The following ARHGAP30 variants were observed in gnomAD, a reference collection of about 807,000 sequenced individuals.
ARHGAP30 encodes the protein Rho GTPase activating protein 30.
In ARHGAP30, 23 loss-of-function variants were observed where a neutral mutation model predicts 72.0. The observed-to-expected ratio is 0.32, with a 90% CI of 0.23 to 0.45. The LOEUF (loss-of-function observed/expected upper bound fraction) is 0.45, where lower values mean the gene tolerates loss of function less well. Among genes scored for constraint, ARHGAP30 ranks in the 20% least tolerant of loss-of-function variants. ARHGAP30 has a pLI of 1.00. For missense variants in ARHGAP30, 1,319 were observed against 1,383.4 expected (o/e 0.95, Z 0.74); for synonymous variants, 576 against 528.2 (o/e 1.09, Z -1.24).
intron 3 of ARHGAP30, 141 bp downstream of exon 3, chr1:161,056,247 T>G (rs1571096772): frequency 3.4e-6 from 4 of 1,167,354 alleles, no homozygotes; most frequent in South Asian, 1.7e-5. Flanking sequence ...GGAGGAGGGG[T>G]CTTTTCCCCG....
chr1:161,052,417 TC>T (rs1557921667), intron 8 of ARHGAP30, 22 bp downstream of exon 8: 3 of 1,612,794 alleles, frequency 1.9e-6, no homozygotes, highest in Non-Finnish European at 2.5e-6. Flanking sequence ...TCAGCAGAGC[TC>T]CCCCCATCTC....
chr1:161,069,196 C>T lies in ARHGAP30; in HGVS notation c.97+332G>A, dbSNP rs924249147. The stretch of plus-strand genomic sequence containing the variant: ...CTCCTGACCCTGTCGCCTCACCCTC[C>T]CTCTCCTGTTCCCAGTCACCTGCCC... On this transcript the variant is annotated intron_variant, in intron 1 of 11. Transcript: ENST00000368013. This position sits in a 1 kb window ranked among gnomAD's most constrained non-coding sequence, Gnocchi z 4.9. Among the ~76,000 whole-genome samples the T allele has an allele frequency of 6.6e-6, 1 of 152,128 alleles. No homozygotes were observed. Among genetic ancestry groups the T allele is most frequent in the Non-Finnish European group, 1.5e-5 (1 of 68,010 alleles).
At chr1:161,058,852 C>A (rs1652100264) in intron 2 of ARHGAP30, among the ~76,000 whole-genome samples, 4 of 111,848 alleles carry the variant, frequency 3.6e-5, no homozygotes, top group Admixed American at 9.8e-5. Context: ...CAGAGTGAGA[C>A]TCTATCTCAA....
intron 2 of ARHGAP30, among the ~76,000 whole-genome samples, chr1:161,058,442 C>T (rs1188835956): frequency 2.0e-5 from 3 of 151,780 alleles, no homozygotes; most frequent in African/African-American, 7.3e-5. Context: ...GCCTGGCTAA[C>T]ATAGTGAAAC....
intron 5 of ARHGAP30, among the ~76,000 whole-genome samples, chr1:161,053,648 G>T (rs1294116108): frequency 1.3e-5 from 2 of 152,130 alleles, no homozygotes. Context: ...GCACACCAGG[G>T]TGTCTAGTTT....
chr1:161,061,930 A>G (rs1652339974), intron 1 of ARHGAP30, among the ~76,000 whole-genome samples: 1 of 152,140 alleles, frequency 6.6e-6, no homozygotes, highest in Non-Finnish European at 1.5e-5. Context: ...TCTACTAAAA[A>G]TACAAAAATT....
chr1:161,047,986 G>C lies in ARHGAP30; in HGVS notation c.3035C>G (p.Ala1012Gly). The change falls in exon 12 of 12, where the codon GCT becomes GGT. Residue 1012 changes from alanine to glycine, a missense_variant. Physicochemically the swap from Ala to Gly is moderately conservative, Grantham distance 60 (BLOSUM62 0). Transcript: ENST00000368013. ...GGTCTGGGTTCGCCGAACTCCTTGA[G>C]CCTCAGTCCTTTGGCGGTCCCGGGC... ...ALARDRQRTE[A>G]QGVRRTQTCT... The C allele has an allele frequency of 1.2e-6, 2 of 1,614,142 alleles. No homozygotes were observed. The highest frequency in any genetic ancestry group is 1.7e-6 in the Non-Finnish European group (2 of 1,180,002).
chr1:161,060,547 G>A (rs541020340), intron 1 of ARHGAP30, among the ~76,000 whole-genome samples: 2 of 139,930 alleles, frequency 1.4e-5, no homozygotes, highest in Non-Finnish European at 3.0e-5. Context: ...AGTGAGCTGA[G>A]ATCACGCCAC....
At chr1:161,064,829 A>AAGAAAGAG (rs1652620164) in intron 1 of ARHGAP30, among the ~76,000 whole-genome samples, 1 of 45,440 alleles carries the variant, frequency 2.2e-5, no homozygotes, top group Non-Finnish European at 3.9e-5. Context: ...GAAAGAAAGA[A>AAGAAAGAG]AGAGAAAGAA....
intron 4 of ARHGAP30, 49 bp downstream of exon 4, chr1:161,054,574 A>G: frequency 6.2e-7 from 1 of 1,607,068 alleles, no homozygotes; most frequent in Non-Finnish European, 8.5e-7. Flanking sequence ...CCAGGCAGCG[A>G]GTGAATGAGT....
At chr1:161,051,213 C>A in intron 10 of ARHGAP30, 101 bp downstream of exon 10, 1 of 1,488,814 alleles carries the variant, frequency 6.7e-7, no homozygotes, top group Non-Finnish European at 8.9e-7. Context: ...AGCCCAAGGG[C>A]TGAGGCCTCT....
chr1:161,049,012 T>C lies in ARHGAP30; in HGVS notation c.2009A>G (p.Asp670Gly), dbSNP rs1335844534. The C allele has an allele frequency of 6.2e-7, 1 of 1,613,928 alleles. No homozygotes were observed. The highest frequency in any genetic ancestry group is 1.7e-5 in the Admixed American group (1 of 60,008). The change falls in exon 12 of 12, where the codon GAC becomes GGC. Residue 670 changes from aspartate to glycine, a missense_variant. This residue lies in a region of ARHGAP30 where 1,097 missense variants were observed against 1,045.2 expected (regional missense o/e 1.05). Coordinates refer to ENST00000368013, the MANE Select transcript of ARHGAP30 (RefSeq NM_001025598.2). ...DKQAEPGGRL[D>G]IREEAEGSPE... is the part of the protein sequence containing the mutation. ...ACTTCCCTCTGCCTCTTCCCTGATG[T>C]CTAGCCTGCCTCCAGGCTCAGCCTG...
intron 1 of ARHGAP30, chr1:161,060,235 C>A (rs1327465984): frequency 2.2e-6 from 1 of 451,640 alleles, no homozygotes; most frequent in African/African-American, 2.0e-5. Context: ...AAGCCGCACT[C>A]TGGCCTGCTG....
rs1571103945 is a variant in ARHGAP30 at position 161,058,653 on chromosome 1, A to T, written c.200+961T>A. 3.4e-5 allele frequency among the ~76,000 whole-genome samples: 5 copies of T among 147,218 alleles called. No homozygotes were observed. The Admixed American group carries it at 3.4e-4, about 10-fold the overall frequency. On this transcript the variant is annotated intron_variant, in intron 2 of 11. Transcript: ENST00000368013. Reference sequence around the variant, plus strand: ...AAAAAAAAAAAAAATTGAAAAAAAAAATATTAAGACCAGCCTGGCCGACAT... The same window carrying T: ...AAAAAAAAAAAAAATTGAAAAAAAATATATTAAGACCAGCCTGGCCGACAT...
At chr1:161,061,447 C>CCAGCTAATTTTTGTATTTTTAG (rs1170798581) in intron 1 of ARHGAP30, among the ~76,000 whole-genome samples, 50 of 150,012 alleles carry the variant, frequency 3.3e-4, no homozygotes, top group Non-Finnish European at 5.2e-4. Flanking sequence ...GCCACCGCGC[C>CCAGCTAATTTTTGTATTTTTAG]TGACCTGCTT....
Position 161,047,956 on chromosome 1 carries a change from G to C in ARHGAP30, c.3065C>G (p.Thr1022Ser). The C allele has an allele frequency of 6.2e-7, 1 of 1,614,084 alleles. No homozygotes were observed. The highest frequency in any genetic ancestry group is 8.5e-7 in the Non-Finnish European group (1 of 1,180,002). ...AQGVRRTQTC[T>S]EGGDYCLIPR... is the part of the protein sequence containing the mutation. Reference sequence around the variant, plus strand: ...GATGAGGCAGTAATCCCCACCCTCAGTACAGGTCTGGGTTCGCCGAACTCC... The same window carrying C: ...GATGAGGCAGTAATCCCCACCCTCACTACAGGTCTGGGTTCGCCGAACTCC... The change falls in exon 12 of 12, where the codon ACT (threonine) becomes AGT (serine). Residue 1022 changes from threonine to serine, a missense_variant. Transcript: ENST00000368013.
Position 161,052,802 on chromosome 1 carries a change from G to C in ARHGAP30, c.665-5C>G. The C allele has an allele frequency of 6.2e-7, 1 of 1,609,534 alleles. No individual in the cohort carries two copies. The highest frequency in any genetic ancestry group is 1.1e-5 in the South Asian group (1 of 90,868). ...ACCCACTCTCCACCTCACCACCTGG[G>C]AAAAGAAAAGGAATTGGCCAGCCAG... On this transcript the variant is annotated splice_polypyrimidine_tract_variant and splice_region_variant and intron_variant, in intron 6 of 11. Coordinates refer to ENST00000368013, the MANE Select transcript of ARHGAP30 (RefSeq NM_001025598.2).
chr1:161,065,220 C>T (rs1397484444), intron 1 of ARHGAP30, among the ~76,000 whole-genome samples: 1 of 152,124 alleles, frequency 6.6e-6, no homozygotes, highest in Non-Finnish European at 1.5e-5. Flanking sequence ...AAGTGATCTG[C>T]CTGCCTCGGC....
At position 161,069,738 on chromosome 1, in the gene ARHGAP30, A is replaced by T; in HGVS notation, c.-114T>A. On this transcript the variant is annotated 5_prime_UTR_variant, in exon 1 of 12. Transcript: ENST00000368013. This position sits in a 1 kb window ranked among gnomAD's most constrained non-coding sequence, Gnocchi z 4.9. ...GGGCTTGGCCCGGCCCCAGGGGGGC[A>T]GGGCTCCCAATTGGGGGTGGAGGGT... 1.7e-6 allele frequency: 2 copies of T among 1,181,968 alleles called. No homozygotes were observed. The highest frequency in any genetic ancestry group is 2.4e-6 in the Non-Finnish European group (2 of 831,202). The allele number at this position is 1,181,968 out of a possible 1,614,324, so 73.2% of individuals were successfully genotyped here.
Sources: gnomAD v4.1 joint callset for allele counts (sites outside exome capture counted in the v4.1 genomes callset) on GRCh38, gnomAD v4.1.1 for gene constraint, gnomAD v4.1.1 regional missense constraint, Gnocchi (gnomAD v3.1) non-coding constraint, MANE v1.5 for transcripts, NCBI Gene and HGNC (gene_info 2026-07-23, HGNC 2026-07-21) for gene names.